The following GRM1 variants were observed in gnomAD, a reference collection of about 807,000 sequenced individuals.
The protein encoded by GRM1 is glutamate metabotropic receptor 1.
GRM1 carries 33 observed loss-of-function variants against 90.9 expected under a neutral mutation model. The ratio of observed to expected loss-of-function variants is 0.36; its 90% CI spans 0.28 to 0.49. The LOEUF (loss-of-function observed/expected upper bound fraction) is 0.49, where lower values mean the gene tolerates loss of function less well. Among genes scored for constraint, GRM1 ranks in the 20% least tolerant of loss-of-function variants. The probability of loss-of-function intolerance (pLI) is 0.99; values close to 1 mark genes in which losing one functional copy is unlikely to be tolerated. For missense variants in GRM1, 1,190 were observed against 1,534.3 expected, an observed-to-expected ratio of 0.78 and a Z score of 3.75; for synonymous variants, 700 against 613.2, an observed-to-expected ratio of 1.14 and a Z score of -2.09.
At chr6:146,236,135 A>G (rs1272733627) in intron 2 of GRM1, among the ~76,000 whole-genome samples, 2 of 152,146 alleles carry the variant, frequency 1.3e-5, no homozygotes, top group African/African-American at 4.8e-5. Context: ...AGTCCTCTGT[A>G]ATAGAAATAT....
chr6:146,034,766 C>A (rs948965969), intron 1 of GRM1, among the ~76,000 whole-genome samples: 6 of 151,956 alleles, frequency 3.9e-5, no homozygotes, highest in African/African-American at 1.4e-4. Context: ...CTATACAGTG[C>A]TTTTCCTCCT....
At chr6:146,178,637 G>C (rs914529368) in intron 2 of GRM1, among the ~76,000 whole-genome samples, 3 of 152,152 alleles carry the variant, frequency 2.0e-5, no homozygotes, top group Non-Finnish European at 4.4e-5. Context: ...TAAGTTTTAG[G>C]TTTTGGGACA....
At chr6:146,306,601 C>T (rs1783588143) in intron 3 of GRM1, among the ~76,000 whole-genome samples, 1 of 152,162 alleles carries the variant, frequency 6.6e-6, no homozygotes, top group Admixed American at 6.5e-5. Flanking sequence ...TCTGGGAGCT[C>T]AGTCAATTCT....
intron 2 of GRM1, among the ~76,000 whole-genome samples, chr6:146,293,119 G>A (rs1783048519): frequency 6.6e-6 from 1 of 151,958 alleles, no homozygotes; most frequent in Non-Finnish European, 1.5e-5. Context: ...CTGGGGACAG[G>A]GAGAAATAGG....
In GRM1 at chr6:146,338,654, C is replaced by T. The variant is rs954573405; in HGVS notation, c.1187-13596C>T. On this transcript the variant is annotated intron_variant, in intron 3 of 7. Coordinates refer to ENST00000282753, the MANE Select transcript of GRM1 (RefSeq NM_001278064.2). The stretch of plus-strand genomic sequence containing the variant: ...AGGAGCTCCCTTTGACTTATTGCTT[C>T]AAATCTAAAGCCCTCTGATTTGTTA... 2.6e-5 allele frequency among the ~76,000 whole-genome samples: 4 copies of T among 152,210 alleles called. No homozygotes were observed. The South Asian group carries it at 6.2e-4, about 24-fold the overall frequency.
At chr6:146,363,366 T>G (rs931845060) in intron 5 of GRM1, among the ~76,000 whole-genome samples, 6 of 152,282 alleles carry the variant, frequency 3.9e-5, no homozygotes, top group African/African-American at 1.2e-4. Context: ...TTTCCTGCTA[T>G]TCAAAGAGCT....
intron 2 of GRM1, among the ~76,000 whole-genome samples, chr6:146,173,232 TA>T (rs926479522): frequency 1.3e-5 from 2 of 148,720 alleles, no homozygotes; most frequent in African/African-American, 2.5e-5. Context: ...CTACTAAAAA[TA>T]AAAAAAAATA....
At chr6:146,051,322 T>G (rs1055023748) in intron 1 of GRM1, among the ~76,000 whole-genome samples, 1 of 152,204 alleles carries the variant, frequency 6.6e-6, no homozygotes, top group African/African-American at 2.4e-5. Context: ...TCTGATATTG[T>G]GTATCCTACA....
chr6:146,214,724 TGGATATATATAGAG>T (rs1338048505), intron 2 of GRM1, among the ~76,000 whole-genome samples: 4 of 152,136 alleles, frequency 2.6e-5, no homozygotes, highest in Non-Finnish European at 5.9e-5. Context: ...ATACTTCTTT[TGGATATATATAGAG>T]GAAGTCTTCA....
At chr6:146,324,979 C>T (rs545493267) in intron 3 of GRM1, among the ~76,000 whole-genome samples, 6 of 152,268 alleles carry the variant, frequency 3.9e-5, no homozygotes, top group African/African-American at 7.2e-5. Context: ...GAGAAATTTC[C>T]TCCTTCTCTA....
At chr6:146,410,709 G>T (rs567107320) in intron 7 of GRM1, among the ~76,000 whole-genome samples, 68 of 152,220 alleles carry the variant, frequency 4.5e-4, no homozygotes, top group Non-Finnish European at 7.9e-4. Context: ...TAAGGTGGAG[G>T]AAGTGCAGAG....
intron 2 of GRM1, among the ~76,000 whole-genome samples, chr6:146,216,700 A>G (rs1779884913): frequency 6.6e-6 from 1 of 152,244 alleles, no homozygotes; most frequent in Non-Finnish European, 1.5e-5. Flanking sequence ...CTAAACTGTA[A>G]AACATTCACA....
At chr6:146,361,355 A>C (rs937785941) in intron 5 of GRM1, among the ~76,000 whole-genome samples, 1 of 152,236 alleles carries the variant, frequency 6.6e-6, no homozygotes, top group East Asian at 1.9e-4. Context: ...AGACACAAGT[A>C]CAGCCAAAGA....
intron 2 of GRM1, among the ~76,000 whole-genome samples, chr6:146,280,821 T>A (rs1234946382): frequency 6.6e-6 from 1 of 151,718 alleles, no homozygotes; most frequent in Non-Finnish European, 1.5e-5. Flanking sequence ...AGAGATAGGG[T>A]CGGACTATGC....
chr6:146,033,951 CT>C, intron 1 of GRM1, among the ~76,000 whole-genome samples: 1 of 151,962 alleles, frequency 6.6e-6, no homozygotes, highest in East Asian at 1.9e-4. Context: ...TCTTTCTTGT[CT>C]TGATTGCAAC....
At chr6:146,079,718 T>C (rs1404149307) in intron 1 of GRM1, among the ~76,000 whole-genome samples, 2 of 152,192 alleles carry the variant, frequency 1.3e-5, no homozygotes, top group African/African-American at 4.8e-5. Context: ...GAAAGAGCCT[T>C]GTCTTTTCAA....
chr6:146,333,564 T>G (rs921155384), intron 3 of GRM1, among the ~76,000 whole-genome samples: 1 of 152,154 alleles, frequency 6.6e-6, no homozygotes, highest in Non-Finnish European at 1.5e-5. Flanking sequence ...GACAGTTATA[T>G]CTTACTCTAA....
intron 2 of GRM1, among the ~76,000 whole-genome samples, chr6:146,168,047 G>A (rs1025209056): frequency 3.0e-4 from 46 of 152,008 alleles, no homozygotes; most frequent in Admixed American, 2.7e-3. Flanking sequence ...TTTTGTATAT[G>A]TTGTGACATA....
At chr6:146,357,445 A>C (rs1785629219) in intron 4 of GRM1, 81 bp from the exon 5 acceptor site, 1 of 1,123,500 alleles carries the variant, frequency 8.9e-7, no homozygotes, top group Admixed American at 1.7e-5. Flanking sequence ...TCTTGTTTCT[A>C]TTATTATCTA....
Sources: allele counts gnomAD v4.1 joint callset (sites outside exome capture counted in the v4.1 genomes callset), GRCh38; gene constraint gnomAD v4.1.1; transcripts MANE v1.5; gene names NCBI Gene and HGNC (gene_info 2026-07-23, HGNC 2026-07-21).